The following GRAMD4 variants were observed in gnomAD, a reference collection of about 807,000 sequenced individuals.
The protein encoded by GRAMD4 is GRAM domain containing 4, also known as GRAM domain-containing protein 4.
GRAMD4 carries 25 observed loss-of-function variants against 83.9 expected under a neutral mutation model. That is an observed-to-expected ratio of 0.30 (90% CI 0.22 to 0.42). The LOEUF is 0.42. Ranked by LOEUF, GRAMD4 falls within the 10% of genes least tolerant of loss-of-function variation. The pLI is 1.00. For missense variants in GRAMD4, 593 were observed against 788.7 expected (o/e 0.75, Z 2.97); for synonymous variants, 336 against 320.9 (o/e 1.05, Z -0.50).
At chr22:46,617,278 G>A (rs563575119), upstream of GRAMD4, among the ~76,000 whole-genome samples, 7 of 149,588 alleles carry the variant, frequency 4.7e-5, no homozygotes, top group Non-Finnish European at 7.4e-5. Context: ...GGGTTCCCCC[G>A]TGTGTAGGTT....
At chr22:46,601,023 A>G (rs952438754) in intron 1 of GRAMD4, among the ~76,000 whole-genome samples, 1 of 152,098 alleles carries the variant, frequency 6.6e-6, no homozygotes, top group African/African-American at 2.4e-5. Flanking sequence ...AGGTGCCTAT[A>G]GTCCCAGCTA....
At chr22:46,671,400 G>A (rs929550284) in intron 13 of GRAMD4, among the ~76,000 whole-genome samples, 20 of 152,334 alleles carry the variant, frequency 1.3e-4, no homozygotes, top group Admixed American at 5.2e-4. Context: ...AAATGTAGCC[G>A]CGTGTGGAGC....
At chr22:46,596,542 T>C (rs920152958) in intron 1 of GRAMD4, among the ~76,000 whole-genome samples, 1 of 152,214 alleles carries the variant, frequency 6.6e-6, no homozygotes, top group African/African-American at 2.4e-5. Flanking sequence ...AGATTAGCCT[T>C]TTTTATTTTT....
chr22:46,583,331 T>C (rs1425242984), intron 1 of GRAMD4, among the ~76,000 whole-genome samples: 1 of 152,250 alleles, frequency 6.6e-6, no homozygotes, highest in Non-Finnish European at 1.5e-5. Flanking sequence ...GTGATTAACA[T>C]CTTACATTAG....
intron 1 of GRAMD4, among the ~76,000 whole-genome samples, chr22:46,584,357 CG>C (rs1204119028): frequency 6.6e-6 from 1 of 152,158 alleles, no homozygotes; most frequent in Non-Finnish European, 1.5e-5. Context: ...TGAGCTGACG[CG>C]CACATATGTA....
chr22:46,668,269 C>G, intron 11 of GRAMD4, 102 bp downstream of exon 11: 1 of 744,580 alleles, frequency 1.3e-6, no homozygotes, highest in Non-Finnish European at 2.3e-6. Context: ...CCGGCCTCCG[C>G]TGCTGCCTGG....
At chr22:46,595,667 C>T (rs1362201759) in intron 1 of GRAMD4, among the ~76,000 whole-genome samples, 1 of 152,256 alleles carries the variant, frequency 6.6e-6, no homozygotes, top group East Asian at 1.9e-4. Flanking sequence ...GCCACCAGAA[C>T]AGCCTTTCCA....
At chr22:46,598,424 G>A (rs12160966) in intron 1 of GRAMD4, among the ~76,000 whole-genome samples, 6 of 152,114 alleles carry the variant, frequency 3.9e-5, no homozygotes, top group Non-Finnish European at 5.9e-5. Flanking sequence ...TTTGCACCTC[G>A]GTGTTTGTTG....
intron 3 of GRAMD4, among the ~76,000 whole-genome samples, chr22:46,639,834 C>T (rs993771728): frequency 3.9e-5 from 6 of 152,152 alleles, no homozygotes; most frequent in Admixed American, 3.3e-4. Context: ...TGGAGTGACT[C>T]GGTCTCTCCA....
intron 3 of GRAMD4, among the ~76,000 whole-genome samples, chr22:46,657,315 G>A (rs2082258445): frequency 6.6e-6 from 1 of 152,250 alleles, no homozygotes; most frequent in Admixed American, 6.5e-5. Context: ...CCAGGCCCTG[G>A]GAGGGCAGTG....
chr22:46,625,887 A>G (rs1460515522), intron 1 of GRAMD4, among the ~76,000 whole-genome samples: 1 of 152,234 alleles, frequency 6.6e-6, no homozygotes, highest in Non-Finnish European at 1.5e-5. Flanking sequence ...TGTGTGAATT[A>G]CGCGTGTCCT....
chr22:46,679,024 A>G lies in GRAMD4; in HGVS notation c.*1773A>G, dbSNP rs2082639089. 1.0e-6 allele frequency: 1 copy of G among 985,678 alleles called. No individual in the cohort carries two copies. Among genetic ancestry groups the G allele is most frequent in the African/African-American group, 1.7e-5 (1 of 57,354 alleles). 61.1% of individuals were successfully genotyped at this position (985,678 alleles called of 1,614,324 possible). A position where few individuals can be genotyped will look rare whatever the true frequency, so the allele number is the denominator to read the frequency against. ...AGGGGACTGGCTCTCTTGGTGCACC[A>G]GGGGAGGGGGACATATCCCAGTGAA... is the stretch of plus-strand genomic sequence containing the variant. On this transcript the variant is annotated 3_prime_UTR_variant, in exon 19 of 19. Transcript: ENST00000406902.
chr22:46,624,679 C>T (rs1018383419), intron 1 of GRAMD4, among the ~76,000 whole-genome samples: 1 of 151,864 alleles, frequency 6.6e-6, no homozygotes, highest in Admixed American at 6.6e-5. Context: ...ACCTTTAGTC[C>T]CTCTGCAATT....
At chr22:46,662,425 C>G (rs1254579748) in intron 5 of GRAMD4, among the ~76,000 whole-genome samples, 2 of 152,256 alleles carry the variant, frequency 1.3e-5, no homozygotes, top group African/African-American at 4.8e-5. Flanking sequence ...AGCCCCCCTT[C>G]CGAGGGATTC....
intron 3 of GRAMD4, among the ~76,000 whole-genome samples, chr22:46,656,161 G>C (rs962329583): frequency 6.6e-6 from 1 of 152,132 alleles, no homozygotes; most frequent in Non-Finnish European, 1.5e-5. Context: ...TTGGAGAAGG[G>C]CCGATCCCAG....
Position 46,601,462 on chromosome 22 carries a change from GTTT to G in GRAMD4, c.-50+24175_-50+24177del, listed in dbSNP as rs201199263. ...TGAATTAGGGTGTTTTGGGTTTTTT[GTTT>G]TTATTTTAATTTTTATTTTATTAAA... On this transcript the variant is annotated intron_variant, in intron 1 of 1. Coordinates refer to the GRAMD4 transcript ENST00000431155. Among the ~76,000 whole-genome samples, 85 of 151,802 alleles carry G rather than the reference GTTT, an allele frequency of 5.6e-4. 1 individual carries two copies. The East Asian group carries it at 0.012, about 21-fold the overall frequency.
chr22:46,600,315 T>G (rs986468419), intron 1 of GRAMD4, among the ~76,000 whole-genome samples: 1 of 152,166 alleles, frequency 6.6e-6, no homozygotes, highest in Non-Finnish European at 1.5e-5. Context: ...CAGATTTGCT[T>G]AAGCAGAGGG....
At chr22:46,673,551 C>T (rs959311391) in intron 14 of GRAMD4, 119 bp from the exon 15 acceptor site, 34 of 1,276,284 alleles carry the variant, frequency 2.7e-5, no homozygotes, top group Admixed American at 2.1e-4. Context: ...GAAGGGACCT[C>T]GGGAACGTCT....
downstream of GRAMD4, among the ~76,000 whole-genome samples, chr22:46,680,581 T>TCCACCCAC (rs1569313368): frequency 6.5e-5 from 1 of 15,388 alleles, no homozygotes; most frequent in African/African-American, 2.6e-4. Flanking sequence ...CATCCATCCA[T>TCCACCCAC]CCATCCATCC....
Sources: gnomAD v4.1 joint callset for allele counts (sites outside exome capture counted in the v4.1 genomes callset) on GRCh38, gnomAD v4.1.1 for gene constraint, MANE v1.5 for transcripts, NCBI Gene and HGNC (gene_info 2026-07-23, HGNC 2026-07-21) for gene names.